The following THSD7B variants were observed in gnomAD, a reference collection of about 807,000 sequenced individuals.
The protein encoded by THSD7B is thrombospondin type-1 domain-containing protein 7B.
Under a neutral mutation model 213.6 loss-of-function variants are expected in THSD7B, and 138 were observed. The observed-to-expected ratio is 0.65, with a 90% CI of 0.56 to 0.74. The LOEUF (loss-of-function observed/expected upper bound fraction) is 0.74. Among genes scored for constraint, THSD7B ranks in the 30% least tolerant of loss-of-function variants. The pLI, the probability that THSD7B is intolerant of heterozygous loss-of-function variation, is 0.00. For missense variants in THSD7B, 1,931 were observed against 1,991.5 expected (o/e 0.97, Z 0.58); for synonymous variants, 742 against 687.0 (o/e 1.08, Z -1.25).
At chr2:137,469,492 G>A (rs1348503199) in intron 15 of THSD7B, among the ~76,000 whole-genome samples, 8 of 151,874 alleles carry the variant, frequency 5.3e-5, no homozygotes, top group African/African-American at 9.7e-5. Context: ...TATCATTTAC[G>A]TGTCACAAAA....
chr2:137,519,434 T>C (rs1186746315), intron 15 of THSD7B, among the ~76,000 whole-genome samples: 1 of 152,212 alleles, frequency 6.6e-6, no homozygotes, highest in African/African-American at 2.4e-5. Context: ...CTGTTGTTCC[T>C]TCACCTGGTA....
At position 137,112,194 on chromosome 2, in the gene THSD7B, C is replaced by T. The variant is rs1002767539; in HGVS notation, c.1200-2930C>T. On this transcript the variant is annotated intron_variant, in intron 4 of 27. Coordinates refer to ENST00000409968, the MANE Select transcript of THSD7B (RefSeq NM_001316349.2). The stretch of plus-strand genomic sequence containing the variant: ...CAGGATGTTCAGTTTTCATGGCTGC[C>T]GGGATGATTTGTGACTAAACGTAGA... Among the ~76,000 whole-genome samples, 3 of 151,460 alleles carry T rather than the reference C, an allele frequency of 2.0e-5. No homozygotes were observed. The East Asian group carries it at 5.8e-4, about 29-fold the overall frequency.
rs1684591855 is a variant in THSD7B, at chr2:136,929,313, T to C, written c.139+46996T>C. Reference sequence around the variant, plus strand: ...ATTTAATTTAGTTTTGAGACACTTATCACTCTAAATCAGAGATTGTTTCCT... The same window carrying C: ...ATTTAATTTAGTTTTGAGACACTTACCACTCTAAATCAGAGATTGTTTCCT... On this transcript the variant is annotated intron_variant, in intron 2 of 27. Transcript: ENST00000409968. Among the ~76,000 whole-genome samples, 2 of 152,214 alleles carry C rather than the reference T, an allele frequency of 1.3e-5. 1 individual carries two copies. The highest frequency in any genetic ancestry group is 2.9e-5 in the Non-Finnish European group (2 of 68,038).
intron 12 of THSD7B, among the ~76,000 whole-genome samples, chr2:137,279,749 T>C (rs1682957711): frequency 6.6e-6 from 1 of 152,150 alleles, no homozygotes; most frequent in African/African-American, 2.4e-5. Context: ...AGGGTCTTGT[T>C]TCTTTACGCA....
chr2:137,046,619 A>C (rs1275078449), intron 2 of THSD7B, among the ~76,000 whole-genome samples: 1 of 151,442 alleles, frequency 6.6e-6, no homozygotes, highest in Non-Finnish European at 1.5e-5. Flanking sequence ...AATTCCAGCT[A>C]CTTGGGAGGC....
At chr2:137,247,648 TGGTAACA>T (rs1395213316) in intron 10 of THSD7B, among the ~76,000 whole-genome samples, 2 of 152,144 alleles carry the variant, frequency 1.3e-5, no homozygotes, top group Non-Finnish European at 2.9e-5. Flanking sequence ...AGCAGTGTCA[TGGTAACA>T]GGAAGGCCAA....
intron 7 of THSD7B, among the ~76,000 whole-genome samples, chr2:137,187,245 G>A (rs181378870): frequency 1.1e-3 from 163 of 152,264 alleles, no homozygotes; most frequent in African/African-American, 3.8e-3. Context: ...GAGAATGACA[G>A]CATGGCTTCT....
chr2:137,208,304 T>C (rs1681028631), intron 7 of THSD7B, among the ~76,000 whole-genome samples: 2 of 152,090 alleles, frequency 1.3e-5, no homozygotes, highest in South Asian at 4.1e-4. Flanking sequence ...TACCCTTATC[T>C]GTCTGCTGCT....
At chr2:137,667,943 T>C in intron 27 of THSD7B, 82 bp downstream of exon 27, 3 of 1,141,302 alleles carry the variant, frequency 2.6e-6, no homozygotes, top group East Asian at 2.7e-5. Context: ...CTCAGGATCA[T>C]TGCCCATTAT....
chr2:137,115,796 G>A (rs569733607), intron 5 of THSD7B, among the ~76,000 whole-genome samples: 3 of 152,258 alleles, frequency 2.0e-5, no homozygotes, highest in African/African-American at 7.2e-5. Flanking sequence ...TCCATAATAA[G>A]CTCTCTAATT....
intron 21 of THSD7B, among the ~76,000 whole-genome samples, chr2:137,654,802 G>A (rs966552258): frequency 3.9e-5 from 6 of 152,150 alleles, no homozygotes; most frequent in Admixed American, 1.3e-4. Context: ...CTTCTATGCT[G>A]ACATTTTGGA....
rs374304880 is a variant in THSD7B, at chr2:137,364,535, G to C, written c.2501-41078G>C. On this transcript the variant is annotated intron_variant, in intron 12 of 27. Transcript: ENST00000409968. ...AAAATCTCCTTAAGCTGATAAGCAA[G>C]TTCAGCAAAGTCTCAGGATATAAAA... Among the ~76,000 whole-genome samples the C allele has an allele frequency of 7.9e-5, 12 of 152,218 alleles. No homozygotes were observed. The East Asian group carries it at 1.7e-3, about 22-fold the overall frequency.
chr2:136,847,346 A>T (rs1394943489), intron 1 of THSD7B, among the ~76,000 whole-genome samples: 2 of 152,166 alleles, frequency 1.3e-5, no homozygotes, highest in Non-Finnish European at 2.9e-5. Flanking sequence ...TTTTATCTAG[A>T]ACACTCTGGA....
At chr2:137,422,981 A>AT (rs1686960761) in intron 14 of THSD7B, among the ~76,000 whole-genome samples, 1 of 152,142 alleles carries the variant, frequency 6.6e-6, no homozygotes, top group South Asian at 2.1e-4. Flanking sequence ...CAGAGAATAA[A>AT]TTGTGGACCC....
At chr2:137,664,169 T>A (rs927038246) in intron 26 of THSD7B, among the ~76,000 whole-genome samples, 3 of 152,166 alleles carry the variant, frequency 2.0e-5, no homozygotes, top group African/African-American at 7.2e-5. Context: ...TATCTTTCAA[T>A]CCTAAATTAT....
In THSD7B at chr2:137,047,083, A is replaced by G. The variant is rs551499681; in HGVS notation, c.140-9337A>G. On this transcript the variant is annotated intron_variant, in intron 2 of 27. Coordinates refer to ENST00000409968, the MANE Select transcript of THSD7B (RefSeq NM_001316349.2). The stretch of plus-strand genomic sequence containing the variant: ...GGTCCTATAGGACCACAATAGGGAA[A>G]AGGAATTGATAGCAGGGGTGGAGTG... Among the ~76,000 whole-genome samples, 108 of 152,320 alleles carry G rather than the reference A, an allele frequency of 7.1e-4. 1 individual carries two copies. The highest frequency in any genetic ancestry group is 2.4e-3 in the African/African-American group (101 of 41,578).
intron 1 of THSD7B, among the ~76,000 whole-genome samples, chr2:136,877,007 C>A (rs760173443): frequency 2.5e-4 from 38 of 152,152 alleles, no homozygotes; most frequent in Non-Finnish European, 4.0e-4. Flanking sequence ...AGGGAGCGTG[C>A]AGAGTATGCT....
chr2:137,244,664 G>A (rs1040173890), intron 10 of THSD7B, among the ~76,000 whole-genome samples: 1 of 151,996 alleles, frequency 6.6e-6, no homozygotes, highest in Non-Finnish European at 1.5e-5. Flanking sequence ...AAGTCTCTGT[G>A]GTCTCTCTTT....
chr2:136,799,960 T>C (rs1682146178), intron 1 of THSD7B, among the ~76,000 whole-genome samples: 2 of 151,958 alleles, frequency 1.3e-5, no homozygotes, highest in South Asian at 2.1e-4. Context: ...AATATCCTGG[T>C]ACTACAGTAA....
Sources: allele counts gnomAD v4.1 joint callset (sites outside exome capture counted in the v4.1 genomes callset), GRCh38; gene constraint gnomAD v4.1.1; transcripts MANE v1.5; gene names NCBI Gene and HGNC (gene_info 2026-07-23, HGNC 2026-07-21).